The following WWOX variants were observed in gnomAD, a reference collection of about 807,000 sequenced individuals.
WWOX encodes WW domain-containing oxidoreductase.
In WWOX, 69 loss-of-function variants were observed where a neutral mutation model predicts 46.2. The ratio of observed to expected loss-of-function variants is 1.49; its 90% CI spans 1.23 to 1.82. WWOX has a LOEUF of 1.82. Among genes scored for constraint, WWOX ranks in the 40% most tolerant of loss-of-function variants. The pLI is 0.00. For missense variants in WWOX, 919 were observed against 542.6 expected, an observed-to-expected ratio of 1.69 and a Z score of -6.89; for synonymous variants, 359 against 202.6, an observed-to-expected ratio of 1.77 and a Z score of -6.56.
chr16:78,638,147 G>T (rs961880101), intron 8 of WWOX, among the ~76,000 whole-genome samples: 3 of 152,086 alleles, frequency 2.0e-5, no homozygotes, highest in Non-Finnish European at 4.4e-5. Flanking sequence ...CCTCAACACT[G>T]TTTCCCATGG....
intron 8 of WWOX, chr16:79,016,430 T>C (rs1183435863): frequency 6.6e-6 from 1 of 151,680 alleles, no homozygotes; most frequent in Admixed American, 6.6e-5. Flanking sequence ...CTTTTCTTTT[T>C]CTTTTCTTTT....
chr16:78,769,739 A>G (rs1004156510), intron 8 of WWOX, among the ~76,000 whole-genome samples: 9 of 151,524 alleles, frequency 5.9e-5, no homozygotes, highest in Admixed American at 5.3e-4. Flanking sequence ...ACAGTGACTC[A>G]TGCCTGTCTG....
chr16:78,849,827 C>G (rs911984877), intron 8 of WWOX, among the ~76,000 whole-genome samples: 2 of 151,994 alleles, frequency 1.3e-5, no homozygotes, highest in Non-Finnish European at 2.9e-5. Context: ...AATCCCAGCA[C>G]TTTGGGAGGC....
intron 8 of WWOX, among the ~76,000 whole-genome samples, chr16:78,961,310 C>A (rs966185468): frequency 5.9e-5 from 9 of 152,098 alleles, no homozygotes; most frequent in African/African-American, 2.2e-4. Context: ...ATTGAACATG[C>A]CTAAATTGAT....
At chr16:78,534,906 G>T (rs2043721544) in intron 8 of WWOX, among the ~76,000 whole-genome samples, 1 of 151,910 alleles carries the variant, frequency 6.6e-6, no homozygotes, top group African/African-American at 2.4e-5. Context: ...TAGAGACTGG[G>T]TTCCACCATG....
At chr16:79,026,784 ATTTTTT>A (rs11373534) in intron 8 of WWOX, among the ~76,000 whole-genome samples, 1 of 123,262 alleles carries the variant, frequency 8.1e-6, no homozygotes, top group Non-Finnish European at 1.6e-5. Context: ...CGCCCGGCTA[ATTTTTT>A]TTTTTTTTTT....
At chr16:79,157,422 C>CAA (rs551488567) in intron 8 of WWOX, among the ~76,000 whole-genome samples, 7 of 106,784 alleles carry the variant, frequency 6.6e-5, no homozygotes, top group Admixed American at 5.7e-4. Context: ...ATACAATGGC[C>CAA]AAAAAAAAAA....
intron 1 of WWOX, among the ~76,000 whole-genome samples, chr16:78,107,440 T>C (rs1012316158): frequency 1.3e-5 from 2 of 152,216 alleles, no homozygotes; most frequent in African/African-American, 4.8e-5. Flanking sequence ...TGCCAAGTGC[T>C]ATGCGAAACC....
chr16:78,951,686 G>C (rs77726857), intron 8 of WWOX, among the ~76,000 whole-genome samples: 16,953 of 152,172 alleles, frequency 0.11, 994 homozygotes, highest in Middle Eastern at 0.21. Flanking sequence ...TCAGGACTGC[G>C]GTTCTACCCA....
At chr16:78,587,690 G>A (rs1244195585) in intron 8 of WWOX, among the ~76,000 whole-genome samples, 1 of 152,136 alleles carries the variant, frequency 6.6e-6, no homozygotes, top group South Asian at 2.1e-4. Context: ...CAGATAGGGA[G>A]GTGCTTGATG....
At chr16:78,892,991 A>G (rs564124658) in intron 8 of WWOX, among the ~76,000 whole-genome samples, 1 of 152,280 alleles carries the variant, frequency 6.6e-6, no homozygotes, top group African/African-American at 2.4e-5. Flanking sequence ...CCTTCCTTCA[A>G]GAGCGACAGC....
chr16:78,774,579 C>T (rs553307886), intron 8 of WWOX, among the ~76,000 whole-genome samples: 2 of 151,868 alleles, frequency 1.3e-5, no homozygotes, highest in Non-Finnish European at 2.9e-5. Context: ...TCCCCCCCCA[C>T]ACATATGCAC....
intron 8 of WWOX, among the ~76,000 whole-genome samples, chr16:78,441,697 C>G (rs897021433): frequency 6.6e-6 from 1 of 152,088 alleles, no homozygotes; most frequent in Non-Finnish European, 1.5e-5. Context: ...AAGATTCATG[C>G]ATAAAACTGA....
intron 8 of WWOX, among the ~76,000 whole-genome samples, chr16:78,567,247 C>T (rs891333597): frequency 6.6e-6 from 1 of 152,132 alleles, no homozygotes; most frequent in African/African-American, 2.4e-5. Context: ...TCTTCCACTG[C>T]CAAGAAGTAA....
intron 8 of WWOX, among the ~76,000 whole-genome samples, chr16:79,198,154 G>A (rs564410886): frequency 3.4e-5 from 5 of 148,736 alleles, no homozygotes; most frequent in South Asian, 2.1e-4. Context: ...GTGAAACCCC[G>A]TCTCTACTAA....
chr16:78,397,505 C>T (rs746936541), intron 6 of WWOX, among the ~76,000 whole-genome samples: 9 of 152,178 alleles, frequency 5.9e-5, no homozygotes, highest in African/African-American at 9.6e-5. Flanking sequence ...CTAGCTGGTA[C>T]GCAGTAAGGC....
intron 8 of WWOX, among the ~76,000 whole-genome samples, chr16:78,986,420 A>G (rs977975804): frequency 1.3e-5 from 2 of 152,156 alleles, no homozygotes; most frequent in Non-Finnish European, 2.9e-5. Flanking sequence ...ACTGGTTTCC[A>G]TTTTTAGACT....
At chr16:78,500,047 A>T (rs983947981) in intron 8 of WWOX, among the ~76,000 whole-genome samples, 1 of 152,192 alleles carries the variant, frequency 6.6e-6, no homozygotes, top group Non-Finnish European at 1.5e-5. Flanking sequence ...CCTGTGGGAA[A>T]ATACAAAACA....
At chr16:78,660,798 T>C (rs10514441) in intron 8 of WWOX, among the ~76,000 whole-genome samples, 5,150 of 152,318 alleles carry the variant, frequency 0.034, 121 homozygotes, top group Non-Finnish European at 0.052. Context: ...GTTGCAGATA[T>C]GGATAGCCTT....
Sources: allele counts gnomAD v4.1 joint callset (sites outside exome capture counted in the v4.1 genomes callset), GRCh38; gene constraint gnomAD v4.1.1; transcripts MANE v1.5; gene names NCBI Gene and HGNC (gene_info 2026-07-23, HGNC 2026-07-21).